The following NYAP2 variants were observed in gnomAD, a reference collection of about 807,000 sequenced individuals.
The protein encoded by NYAP2 is neuronal tyrosine-phosphorylated phosphoinositide-3-kinase adapter 2.
Under a neutral mutation model 50.4 loss-of-function variants are expected in NYAP2, and 23 were observed. The observed-to-expected ratio is 0.46, with a 90% CI of 0.33 to 0.65. NYAP2 has a LOEUF of 0.65. Among genes scored for constraint, NYAP2 ranks in the 30% least tolerant of loss-of-function variants. The pLI is 0.02. For missense variants in NYAP2, 885 were observed against 861.0 expected (o/e 1.03, Z -0.35); for synonymous variants, 394 against 365.2 (o/e 1.08, Z -0.90).
intron 3 of NYAP2, among the ~76,000 whole-genome samples, chr2:225,469,424 A>T (rs543664406): frequency 1.3e-5 from 2 of 152,344 alleles, no homozygotes; most frequent in African/African-American, 2.4e-5. Flanking sequence ...AAATTAGTTC[A>T]TTGTGGAAGA....
chr2:225,583,607 A>G (rs1053281769), intron 5 of NYAP2, among the ~76,000 whole-genome samples: 5 of 152,106 alleles, frequency 3.3e-5, no homozygotes, highest in African/African-American at 1.2e-4. Context: ...ATGGCCCTGG[A>G]AAGTCAAACA....
Position 225,618,827 on chromosome 2 carries a change from C to T in NYAP2, c.1619-8090C>T, listed in dbSNP as rs116708793. Among the ~76,000 whole-genome samples, 893 of 152,244 alleles carry T rather than the reference C, an allele frequency of 5.9e-3. 9 individuals carry two copies. The highest frequency in any genetic ancestry group is 0.018 in the African/African-American group (768 of 41,530). ...GGAAGTAATTTCACTGGAAAATAAA[C>T]GGAAATGGATCATGACAGGAGACAG... On this transcript the variant is annotated intron_variant, in intron 5 of 6. Transcript: ENST00000636099.
chr2:225,407,771 G>T (rs1223827682), intron 2 of NYAP2, among the ~76,000 whole-genome samples: 1 of 151,774 alleles, frequency 6.6e-6, no homozygotes, highest in East Asian at 1.9e-4. Context: ...CTTTGCTTTT[G>T]GTTTTTTAAT....
the NYAP2 span, chr2:225,700,239 C>T: frequency 6.6e-6 from 1 of 151,434 alleles, no homozygotes; most frequent in Admixed American, 6.6e-5. Flanking sequence ...AATTCAAATT[C>T]TGAAAAAATA....
chr2:225,687,844 C>T, the NYAP2 span, among the ~76,000 whole-genome samples: 6 of 152,240 alleles, frequency 3.9e-5, no homozygotes, highest in East Asian at 5.8e-4. Flanking sequence ...CTTGAGAGAA[C>T]GTTTCTGCGC....
chr2:225,541,878 G>A (rs1691479187), intron 4 of NYAP2, among the ~76,000 whole-genome samples: 1 of 151,958 alleles, frequency 6.6e-6, no homozygotes, highest in African/African-American at 2.4e-5. Flanking sequence ...TTGCTTTGGG[G>A]AATATGGAAA....
chr2:225,617,515 T>C (rs77190867), intron 5 of NYAP2, among the ~76,000 whole-genome samples: 1 of 152,184 alleles, frequency 6.6e-6, no homozygotes, highest in East Asian at 1.9e-4. Context: ...ATCTACATGT[T>C]CATAGAAGCA....
intron 4 of NYAP2, among the ~76,000 whole-genome samples, chr2:225,538,168 A>G (rs564158069): frequency 6.6e-6 from 1 of 152,304 alleles, no homozygotes; most frequent in African/African-American, 2.4e-5. Flanking sequence ...GAAAGCTGTC[A>G]GTGAATCTAC....
chr2:225,474,077 C>T (rs1414523267), intron 3 of NYAP2, among the ~76,000 whole-genome samples: 1 of 152,164 alleles, frequency 6.6e-6, no homozygotes, highest in South Asian at 2.1e-4. Context: ...ATCCTTTCCC[C>T]ATTTCTTGTT....
At chr2:225,567,882 T>A (rs562359349) in intron 4 of NYAP2, among the ~76,000 whole-genome samples, 1 of 152,338 alleles carries the variant, frequency 6.6e-6, no homozygotes, top group African/African-American at 2.4e-5. Flanking sequence ...TCTGGCATGC[T>A]ATTAGAGGAA....
intron 3 of NYAP2, among the ~76,000 whole-genome samples, chr2:225,483,208 A>G (rs1194082269): frequency 1.3e-5 from 2 of 152,226 alleles, no homozygotes; most frequent in African/African-American, 4.8e-5. Context: ...TTCCTTTCAC[A>G]AAATAATAAT....
intron 3 of NYAP2, among the ~76,000 whole-genome samples, chr2:225,497,245 C>A (rs1163950905): frequency 1.3e-5 from 2 of 152,180 alleles, no homozygotes; most frequent in Non-Finnish European, 2.9e-5. Flanking sequence ...ATATTTCAAT[C>A]TATCATATTA....
intron 4 of NYAP2, among the ~76,000 whole-genome samples, chr2:225,571,021 A>G (rs964853524): frequency 6.6e-6 from 1 of 152,246 alleles, no homozygotes; most frequent in Non-Finnish European, 1.5e-5. Flanking sequence ...TCCAAAATCC[A>G]ATAGGGTAGT....
At chr2:225,573,944 G>C (rs1442223832) in intron 4 of NYAP2, among the ~76,000 whole-genome samples, 2 of 152,156 alleles carry the variant, frequency 1.3e-5, no homozygotes, top group Non-Finnish European at 2.9e-5. Context: ...TTGATAGACA[G>C]AATGTGTAAA....
At chr2:225,401,083 C>T (rs540462705) in intron 2 of NYAP2, 40 bp downstream of exon 2, 8 of 152,570 alleles carry the variant, frequency 5.2e-5, no homozygotes, top group African/African-American at 1.9e-4. Flanking sequence ...GCATGCTAAT[C>T]GAATCCAGCA....
chr2:225,462,962 T>C (rs1689857709), intron 3 of NYAP2, among the ~76,000 whole-genome samples: 1 of 152,226 alleles, frequency 6.6e-6, no homozygotes, highest in South Asian at 2.1e-4. Context: ...AGCAGAAGAT[T>C]CAAACCCAAA....
At chr2:225,538,298 G>T (rs1388688520) in intron 4 of NYAP2, among the ~76,000 whole-genome samples, 1 of 152,154 alleles carries the variant, frequency 6.6e-6, no homozygotes, top group African/African-American at 2.4e-5. Context: ...CCTAGCAGAG[G>T]TTCTCCATGA....
chr2:225,686,524 G>A, the NYAP2 span, among the ~76,000 whole-genome samples: 1 of 152,104 alleles, frequency 6.6e-6, no homozygotes, highest in African/African-American at 2.4e-5. Context: ...GCATAAATAT[G>A]TATGTAAGGA....
At chr2:225,448,414 G>A (rs1232385962) in intron 3 of NYAP2, among the ~76,000 whole-genome samples, 1 of 152,140 alleles carries the variant, frequency 6.6e-6, no homozygotes, top group Non-Finnish European at 1.5e-5. Context: ...AGTGGGGAAG[G>A]ATGCTAGATT....
Sources: gnomAD v4.1 joint callset for allele counts (sites outside exome capture counted in the v4.1 genomes callset) on GRCh38, gnomAD v4.1.1 for gene constraint, MANE v1.5 for transcripts, NCBI Gene and HGNC (gene_info 2026-07-23, HGNC 2026-07-21) for gene names.